RAB36: variants seen among roughly 807,000 people sequenced by gnomAD.
The protein encoded by RAB36 is ras-related protein Rab-36.
A neutral mutation model predicts 39.3 loss-of-function variants in RAB36; 33 were observed. The observed-to-expected ratio is 0.84, with a 90% CI of 0.64 to 1.12. The LOEUF is 1.12. RAB36 is among the 50% of genes most tolerant of loss of function. RAB36 has a pLI of 0.00. For missense variants in RAB36, 308 were observed against 355.3 expected (o/e 0.87, Z 1.07); for synonymous variants, 133 against 140.2 (o/e 0.95, Z 0.36).
At chr22:23,147,583 C>T (rs962187983) in intron 2 of RAB36, among the ~76,000 whole-genome samples, 3 of 152,130 alleles carry the variant, frequency 2.0e-5, no homozygotes, top group South Asian at 2.1e-4. Context: ...TCCTCCCACC[C>T]GGGCCTCTCA....
chr22:23,161,877 AAGAGGCCTC>A lies in RAB36; in HGVS notation c.*317_*325del, dbSNP rs2071827866. ...TCATCAGACAGTCACCTTTGGCCTC[AAGAGGCCTC>A]AGAACTGCAAACTCCTGCGTCGGTC... On this transcript the variant is annotated 3_prime_UTR_variant, in exon 11 of 11. Coordinates refer to ENST00000263116, the MANE Select transcript of RAB36 (RefSeq NM_004914.5). 2 of 370,416 alleles carry A rather than the reference AAGAGGCCTC, an allele frequency of 5.4e-6. No homozygotes were observed. Among genetic ancestry groups the A allele is most frequent in the Non-Finnish European group, 1.0e-5 (2 of 199,800 alleles). The allele number at this position is 370,416 out of a possible 1,614,324, so 22.9% of individuals were successfully genotyped here. A position where few individuals can be genotyped will look rare whatever the true frequency, so the allele number is the denominator to read the frequency against.
chr22:23,157,883 G>A, intron 6 of RAB36, 109 bp from the exon 7 acceptor site: 1 of 1,578,242 alleles, frequency 6.3e-7, no homozygotes, highest in Non-Finnish European at 8.6e-7. Flanking sequence ...CTGAGTGCCT[G>A]GTTGGGGGGC....
intron 5 of RAB36, 103 bp downstream of exon 5, chr22:23,153,237 C>G (rs2071265620): frequency 2.3e-6 from 2 of 885,910 alleles, no homozygotes; most frequent in Non-Finnish European, 3.7e-6. Context: ...GAGGACTAGT[C>G]TAGACAAGCA....
At position 23,163,606 on chromosome 22, in the gene RAB36, G is replaced by GCCCCCCCCCCCCC. The variant is rs71744650; in HGVS notation, c.*2052_*2053insCCCCCCCCCCCCC. 3.2e-4 allele frequency: 40 copies of GCCCCCCCCCCCCC among 125,296 alleles called. 1 individual carries two copies. Among genetic ancestry groups the GCCCCCCCCCCCCC allele is most frequent in the South Asian group, 5.4e-4 (2 of 3,700 alleles). The allele number at this position is 125,296 out of a possible 1,614,324, so 7.8% of individuals were successfully genotyped here. Reference sequence around the variant, plus strand: ...AAAGCATATAAAATACAAGGTGAAAGCCCCCCCCCCGCCACATTAGCTGCG... The same window carrying GCCCCCCCCCCCCC: ...AAAGCATATAAAATACAAGGTGAAAGCCCCCCCCCCCCCCCCCCCCCCCGCCACATTAGCTGCG... On this transcript the variant is annotated 3_prime_UTR_variant, in exon 11 of 11. Coordinates refer to ENST00000263116, the MANE Select transcript of RAB36 (RefSeq NM_004914.5).
chr22:23,150,949 TCTTC>T (rs1050885318), intron 3 of RAB36, among the ~76,000 whole-genome samples: 2 of 152,224 alleles, frequency 1.3e-5, no homozygotes, highest in South Asian at 2.1e-4. Flanking sequence ...GTGTCTGTCC[TCTTC>T]CTGCCGCGGC....
chr22:23,160,803 C>G, intron 9 of RAB36, 76 bp from the exon 10 acceptor site: 1 of 1,557,384 alleles, frequency 6.4e-7, no homozygotes, highest in Non-Finnish European at 8.7e-7. Context: ...GTAGGCTAGC[C>G]TGGCTTTCAC....
chr22:23,157,998 T>A lies in RAB36; in HGVS notation c.401T>A (p.Ile134Asn), dbSNP rs771229167. ...SAYYRGAQVI[I>N]TAFDLTDVQT... The stretch of plus-strand genomic sequence containing the variant: ...GCTTTTTCCGGGTGTCTAGTGATCA[T>A]CACGGCCTTTGACCTCACTGACGTG... The change falls in exon 7 of 11, where the codon ATC (isoleucine) becomes AAC (asparagine). Residue 134 changes from isoleucine (I) to asparagine (N), a missense_variant. Transcript: ENST00000263116. 1 of 1,614,190 alleles carries A rather than the reference T, an allele frequency of 6.2e-7. No homozygotes were observed. Among genetic ancestry groups the A allele is most frequent in the South Asian group, 1.1e-5 (1 of 91,090 alleles).
downstream of RAB36, among the ~76,000 whole-genome samples, chr22:23,167,422 A>G (rs2072069993): frequency 1.3e-5 from 2 of 152,110 alleles, no homozygotes; most frequent in South Asian, 4.1e-4. Flanking sequence ...TGCTCTCAGC[A>G]TCTTTCAACC....
chr22:23,146,057 G>C, intron 1 of RAB36: 4 of 975,376 alleles, frequency 4.1e-6, no homozygotes, highest in Non-Finnish European at 4.9e-6. Flanking sequence ...GCTCCTCCTT[G>C]GTAGACACCT....
At chr22:23,169,098 C>A (rs1218508409), downstream of RAB36, among the ~76,000 whole-genome samples, 1 of 152,202 alleles carries the variant, frequency 6.6e-6, no homozygotes, top group Non-Finnish European at 1.5e-5. Context: ...ATTGATTCTG[C>A]AGAAGGCAGT....
At chr22:23,152,643 C>A in intron 4 of RAB36, 117 bp downstream of exon 4, 2 of 1,030,156 alleles carry the variant, frequency 1.9e-6, no homozygotes, top group Non-Finnish European at 3.0e-6. Flanking sequence ...CCAGGAACTG[C>A]TGTGCCTCAG....
At chr22:23,161,415 TCTGA>T (rs1376929404) in intron 10 of RAB36, 81 bp from the exon 11 acceptor site, 12 of 1,230,944 alleles carry the variant, frequency 9.7e-6, no homozygotes, top group South Asian at 1.3e-5. Context: ...AGCTCACAGC[TCTGA>T]CTGTCAGGGC....
intron 6 of RAB36, 113 bp downstream of exon 6, chr22:23,156,145 G>GAAA (rs56254210): frequency 0.23 from 206,529 of 880,056 alleles, 26,184 homozygotes; most frequent in East Asian, 0.36. Flanking sequence ...TGTCCTCCAA[G>GAAA]ACCCACTGAG....
chr22:23,157,917 T>TGGGCACCTCCTGGGGAGCC, intron 6 of RAB36, 75 bp from the exon 7 acceptor site: 3 of 1,602,812 alleles, frequency 1.9e-6, no homozygotes, highest in Non-Finnish European at 1.7e-6. Flanking sequence ...CCTTGGGAGC[T>TGGGCACCTCCTGGGGAGCC]GGGCACCTCC....
rs551375355 is a variant in RAB36 at position 23,156,203 on chromosome 22, AGGCACT to A, written c.394+175_394+180del. The A allele has an allele frequency of 4.5e-4, 269 of 591,618 alleles. 2 individuals are homozygous for A. The highest frequency in any genetic ancestry group is 2.8e-3 in the African/African-American group (147 of 51,754). 36.6% of individuals were successfully genotyped at this position (591,618 alleles called of 1,614,324 possible). A position where few individuals can be genotyped will look rare whatever the true frequency, so the allele number is the denominator to read the frequency against. On this transcript the variant is annotated intron_variant, in intron 6 of 10. Coordinates refer to ENST00000263116, the MANE Select transcript of RAB36 (RefSeq NM_004914.5). The stretch of plus-strand genomic sequence containing the variant: ...GAACAGGGAAGCTGCCTTCATCCCC[AGGCACT>A]GGCTGACTTTGGCGATCACACCCTT...
chr22:23,155,685 A>C (rs140105559), intron 5 of RAB36, among the ~76,000 whole-genome samples: 130 of 152,374 alleles, frequency 8.5e-4, no homozygotes, highest in Non-Finnish European at 1.6e-3. Flanking sequence ...TGTCTCAGTC[A>C]GAAGGGAGTG....
chr22:23,156,262 C>T (rs2071446835), intron 6 of RAB36: 1 of 472,796 alleles, frequency 2.1e-6, no homozygotes, highest in South Asian at 2.3e-5. Flanking sequence ...TGGGTGCTGG[C>T]TTTAAGTCTC....
chr22:23,146,082 C>G (rs1601879560), intron 1 of RAB36: 1 of 933,626 alleles, frequency 1.1e-6, no homozygotes, highest in Non-Finnish European at 1.3e-6. Flanking sequence ...AGGGGAGACC[C>G]AGGTCTTCTG....
chr22:23,152,576 T>C (rs759732376), intron 4 of RAB36, 50 bp downstream of exon 4: 2 of 1,566,428 alleles, frequency 1.3e-6, no homozygotes, highest in Non-Finnish European at 1.8e-6. Flanking sequence ...CACCAGGTTG[T>C]CATACCTTTG....
Sources: allele counts gnomAD v4.1 joint callset (sites outside exome capture counted in the v4.1 genomes callset), GRCh38; gene constraint gnomAD v4.1.1; transcripts MANE v1.5; gene names NCBI Gene and HGNC (gene_info 2026-07-23, HGNC 2026-07-21).